Variants in AMOTL1 observed in about 807,000 individuals in gnomAD.
AMOTL1 encodes the protein angiomotin-like protein 1.
A neutral mutation model predicts 102.9 loss-of-function variants in AMOTL1; 45 were observed. The observed-to-expected ratio is 0.44, with a 90% confidence interval of 0.34 to 0.56. The LOEUF is 0.56. Ranked by LOEUF, AMOTL1 falls within the 20% of genes least tolerant of loss-of-function variation. The pLI is 0.01. For synonymous variants in AMOTL1, 481 were observed against 484.7 expected, an observed-to-expected ratio of 0.99 and a Z score of 0.10; for missense variants, 1,114 against 1,225.6, an observed-to-expected ratio of 0.91 and a Z score of 1.36.
intron 6 of AMOTL1, among the ~76,000 whole-genome samples, chr11:94,844,429 C>G (rs868747243): frequency 5.3e-5 from 8 of 152,210 alleles, no homozygotes; most frequent in African/African-American, 1.9e-4. Flanking sequence ...GAAAAGAATA[C>G]TGTCTTAGTT....
intron 4 of AMOTL1, among the ~76,000 whole-genome samples, chr11:94,827,898 T>C (rs1951995940): frequency 6.6e-6 from 1 of 152,176 alleles, no homozygotes; most frequent in African/African-American, 2.4e-5. Flanking sequence ...CTTCAGTTTT[T>C]CCCTGGTGCC....
chr11:94,709,356 C>T (rs11020919), intron 1 of AMOTL1, among the ~76,000 whole-genome samples: 70,083 of 139,112 alleles, frequency 0.5, 18,149 homozygotes, highest in Middle Eastern at 0.63. Context: ...TAAACTGGCT[C>T]TCTGGAGAAA....
chr11:94,834,091 G>A (rs1326548078), intron 6 of AMOTL1, among the ~76,000 whole-genome samples: 2 of 152,126 alleles, frequency 1.3e-5, no homozygotes, highest in African/African-American at 4.8e-5. Context: ...AGAATGGCAG[G>A]CATGAATTAC....
At chr11:94,786,664 A>G (rs1565351061) in intron 1 of AMOTL1, among the ~76,000 whole-genome samples, 2 of 152,130 alleles carry the variant, frequency 1.3e-5, no homozygotes, top group African/African-American at 2.4e-5. Context: ...CCTTTGTGCA[A>G]TTGGATCACA....
In AMOTL1 at chr11:94,737,142, A is replaced by G. The variant is rs756839497; in HGVS notation, c.86-3796A>G. Among the ~76,000 whole-genome samples the G allele has an allele frequency of 6.0e-4, 92 of 152,232 alleles. 2 individuals carry two copies. The highest frequency in any genetic ancestry group is 3.5e-4 in the Non-Finnish European group (24 of 68,038). Reference sequence around the variant, plus strand: ...TTACAAGTCATCCATTTATATGAACAAATTGAAGGCAAGTCCATTGTGAGA... The same window carrying G: ...TTACAAGTCATCCATTTATATGAACGAATTGAAGGCAAGTCCATTGTGAGA... On this transcript the variant is annotated intron_variant, in intron 2 of 4. Coordinates refer to the AMOTL1 transcript ENST00000299004.
At chr11:94,865,696 G>C (rs939406332) in intron 10 of AMOTL1, among the ~76,000 whole-genome samples, 1 of 152,090 alleles carries the variant, frequency 6.6e-6, no homozygotes, top group East Asian at 1.9e-4. Flanking sequence ...ATGTGGCCAC[G>C]GTCATTCTAA....
At chr11:94,830,650 T>TG (rs755113037) in intron 5 of AMOTL1, among the ~76,000 whole-genome samples, 1 of 152,182 alleles carries the variant, frequency 6.6e-6, no homozygotes, top group Non-Finnish European at 1.5e-5. Context: ...ATTTTCCCCC[T>TG]GGGGGGAAAA....
At chr11:94,869,174 GAA>G in intron 11 of AMOTL1, 22 bp from the exon 12 acceptor site, 1 of 1,535,130 alleles carries the variant, frequency 6.5e-7, no homozygotes, top group South Asian at 1.2e-5. Flanking sequence ...AAAGAATGTT[GAA>G]AAATCTGTTC....
chr11:94,858,653 T>A (rs1952713798), intron 8 of AMOTL1, among the ~76,000 whole-genome samples: 1 of 152,158 alleles, frequency 6.6e-6, no homozygotes, highest in African/African-American at 2.4e-5. Flanking sequence ...TCATTCTCCC[T>A]GGAGTACTAA....
At chr11:94,801,959 G>T (rs1263245955) in intron 3 of AMOTL1, among the ~76,000 whole-genome samples, 1 of 152,150 alleles carries the variant, frequency 6.6e-6, no homozygotes, top group Non-Finnish European at 1.5e-5. Flanking sequence ...GACCTCAGTG[G>T]CTATGTGCAG....
chr11:94,795,398 A>G (rs1475829587), intron 2 of AMOTL1, among the ~76,000 whole-genome samples: 1 of 152,230 alleles, frequency 6.6e-6, no homozygotes, highest in Non-Finnish European at 1.5e-5. Context: ...CTAAACATGT[A>G]GGAACTTCAG....
chr11:94,815,762 A>C (rs1335149885), intron 3 of AMOTL1, among the ~76,000 whole-genome samples: 1 of 152,098 alleles, frequency 6.6e-6, no homozygotes, highest in Admixed American at 6.5e-5. Flanking sequence ...ATTTTTGGCA[A>C]GAAAGGTTAA....
intron 1 of AMOTL1, 122 bp downstream of exon 1, chr11:94,768,682 G>A: frequency 7.0e-7 from 1 of 1,427,964 alleles, no homozygotes. Context: ...CTGGGGGCCC[G>A]GGGCTGAGAT....
chr11:94,764,977 G>A (rs1950838116), upstream of AMOTL1, among the ~76,000 whole-genome samples: 3 of 152,294 alleles, frequency 2.0e-5, no homozygotes, highest in South Asian at 4.1e-4. Context: ...AGGTCTTACT[G>A]TAAAGGCCCT....
chr11:94,787,187 A>G (rs867378148), intron 1 of AMOTL1, among the ~76,000 whole-genome samples: 1 of 152,148 alleles, frequency 6.6e-6, no homozygotes, highest in African/African-American at 2.4e-5. Flanking sequence ...AGGAAGTGGC[A>G]CTAGAATAGA....
chr11:94,843,897 G>C (rs1952354762), intron 6 of AMOTL1, among the ~76,000 whole-genome samples: 1 of 152,102 alleles, frequency 6.6e-6, no homozygotes, highest in Non-Finnish European at 1.5e-5. Context: ...TTCACGCGGA[G>C]GTTCATTCTC....
At chr11:94,716,978 C>G (rs903813356) in intron 1 of AMOTL1, among the ~76,000 whole-genome samples, 3 of 151,932 alleles carry the variant, frequency 2.0e-5, no homozygotes, top group African/African-American at 7.3e-5. Context: ...CTGGGCTTAC[C>G]CTTTCCCTGC....
intron 1 of AMOTL1, among the ~76,000 whole-genome samples, chr11:94,720,763 T>C (rs1321805696): frequency 6.6e-6 from 1 of 152,108 alleles, no homozygotes; most frequent in Non-Finnish European, 1.5e-5. Flanking sequence ...ACGAGGTGAC[T>C]ACACAGGTGG....
intron 3 of AMOTL1, among the ~76,000 whole-genome samples, chr11:94,803,356 T>C (rs1951511885): frequency 6.6e-6 from 1 of 152,220 alleles, no homozygotes; most frequent in Non-Finnish European, 1.5e-5. Context: ...CTCTGGGAGA[T>C]GAGGCCTTGA....
Sources: gnomAD v4.1 joint callset for allele counts (sites outside exome capture counted in the v4.1 genomes callset) on GRCh38, gnomAD v4.1.1 for gene constraint, MANE v1.5 for transcripts, NCBI Gene and HGNC (gene_info 2026-07-23, HGNC 2026-07-21) for gene names.